The following GALNT13 variants were observed in gnomAD, a reference collection of about 807,000 sequenced individuals.
GALNT13 encodes polypeptide N-acetylgalactosaminyltransferase 13, also known as UDP-GalNAc:polypeptide N-acetylgalactosaminyltransferase 13.
A neutral mutation model predicts 64.2 loss-of-function variants in GALNT13; 28 were observed. That is an observed-to-expected ratio of 0.44 (90% CI 0.32 to 0.60). The LOEUF is 0.60. Ranked by LOEUF, GALNT13 falls within the 20% of genes least tolerant of loss-of-function variation. GALNT13 has a pLI of 0.05. For missense variants in GALNT13, 577 were observed against 669.8 expected, an observed-to-expected ratio of 0.86 and a Z score of 1.53; for synonymous variants, 214 against 224.6, an observed-to-expected ratio of 0.95 and a Z score of 0.42.
rs370103786 is a variant in GALNT13 at position 153,954,845 on chromosome 2, C to T, written c.142+10206C>T. Among the ~76,000 whole-genome samples, 27 of 152,112 alleles carry T rather than the reference C, an allele frequency of 1.8e-4. No homozygotes were observed. In the East Asian group the frequency reaches 4.8e-3, roughly 27 times the overall value. On this transcript the variant is annotated intron_variant, in intron 3 of 12. Transcript: ENST00000392825. ...AGACTTTTGAGCCCATATGTTGAAA[C>T]GGTAGACTGTGTTGTGCCCCTGACC...
At chr2:154,299,753 G>A (rs146062796) in intron 8 of GALNT13, among the ~76,000 whole-genome samples, 3 of 151,686 alleles carry the variant, frequency 2.0e-5, no homozygotes, top group Non-Finnish European at 4.4e-5. Flanking sequence ...GTGAGCCACC[G>A]CGCCCGGCCT....
In GALNT13 at chr2:154,396,095, TC is replaced by T; in HGVS notation, c.1264del (p.Gln422ArgfsTer12). On this transcript the variant is annotated frameshift_variant, in exon 10 of 13. Transcript: ENST00000392825. LOFTEE classifies it high-confidence loss of function. ...GTACCTAGAAAACATCTATCCGGAC[TC>T]CCAGATCCCAAGACGTTATTACTCA... The part of the protein sequence containing the change: ...SWYLENIYPD[S>X]QIPRRYYSLG... 6.2e-7 allele frequency: 1 copy of T among 1,607,906 alleles called. No homozygotes were observed. The highest frequency in any genetic ancestry group is 8.5e-7 in the Non-Finnish European group (1 of 1,176,718).
chr2:153,753,654 C>A, the GALNT13 span, among the ~76,000 whole-genome samples: 2 of 152,150 alleles, frequency 1.3e-5, no homozygotes. Flanking sequence ...CACGAGCACC[C>A]CTGTGGCCAT....
At chr2:154,087,008 C>G (rs1701564770) in intron 3 of GALNT13, among the ~76,000 whole-genome samples, 1 of 151,902 alleles carries the variant, frequency 6.6e-6, no homozygotes, top group South Asian at 2.1e-4. Flanking sequence ...AGCGTGAATT[C>G]AGAATCTTGG....
intron 4 of GALNT13, among the ~76,000 whole-genome samples, chr2:154,220,988 T>G (rs559070754): frequency 2.6e-5 from 4 of 152,170 alleles, no homozygotes; most frequent in Non-Finnish European, 5.9e-5. Flanking sequence ...ATTTGTTTAC[T>G]CACATTTTAA....
At chr2:154,444,690 G>C (rs892284470) in intron 12 of GALNT13, among the ~76,000 whole-genome samples, 3 of 152,078 alleles carry the variant, frequency 2.0e-5, no homozygotes. Flanking sequence ...TGTAGACATT[G>C]ATGTTCAGAG....
the GALNT13 span, among the ~76,000 whole-genome samples, chr2:153,342,412 A>G: frequency 6.6e-6 from 1 of 152,220 alleles, no homozygotes; most frequent in Non-Finnish European, 1.5e-5. Flanking sequence ...TGTCTGCACT[A>G]AATGACTTTT....
chr2:153,332,628 C>T, the GALNT13 span, among the ~76,000 whole-genome samples: 6 of 151,142 alleles, frequency 4.0e-5, no homozygotes, highest in South Asian at 1.0e-3. Context: ...TCCCTATGCA[C>T]TTCTGTTGGA....
At chr2:153,673,433 C>G in the GALNT13 span, among the ~76,000 whole-genome samples, 10 of 152,102 alleles carry the variant, frequency 6.6e-5, no homozygotes, top group African/African-American at 2.2e-4. Flanking sequence ...TAATCCATCA[C>G]ATAAACAGAA....
At chr2:153,913,293 G>A (rs1689103762) in intron 2 of GALNT13, among the ~76,000 whole-genome samples, 1 of 152,120 alleles carries the variant, frequency 6.6e-6, no homozygotes, top group South Asian at 2.1e-4. Context: ...CAGGTGGGGT[G>A]GGGGGCAGCA....
At position 154,140,373 on chromosome 2, in the gene GALNT13, T is replaced by A; in HGVS notation, c.179T>A (p.Met60Lys). Residue 60 changes from methionine to lysine, a missense_variant, in exon 4 of 13, where the codon ATG (methionine) becomes AAG (lysine). This residue lies in a region of GALNT13 where 341 missense variants were observed against 379.3 expected (regional missense o/e 0.90). Transcript: ENST00000392825. ...AGAAACCAAGAAGGGCCAGGAGAAA[T>A]GGGAAAAGCTGTGTTGATTCCTAAA... Reference protein sequence around the residue: ...ISRNQEGPGEMGKAVLIPKDD... With the variant: ...ISRNQEGPGEKGKAVLIPKDD... 1 of 1,613,134 alleles carries A rather than the reference T, an allele frequency of 6.2e-7. No individual in the cohort carries two copies. The highest frequency in any genetic ancestry group is 8.5e-7 in the Non-Finnish European group (1 of 1,179,326).
At chr2:153,391,252 C>G in the GALNT13 span, among the ~76,000 whole-genome samples, 1 of 152,044 alleles carries the variant, frequency 6.6e-6, no homozygotes, top group Non-Finnish European at 1.5e-5. Flanking sequence ...TCTGACTGCT[C>G]TCTTGAGAAT....
chr2:153,970,398 G>T (rs1185410737), intron 3 of GALNT13, among the ~76,000 whole-genome samples: 5 of 152,036 alleles, frequency 3.3e-5, no homozygotes, highest in Non-Finnish European at 7.4e-5. Flanking sequence ...CCTCACTGAC[G>T]ACTTCTTCAC....
intron 3 of GALNT13, among the ~76,000 whole-genome samples, chr2:154,121,646 G>A (rs546992009): frequency 7.4e-4 from 112 of 151,874 alleles, no homozygotes; most frequent in Middle Eastern, 6.8e-3. Flanking sequence ...TGAGTTTTGT[G>A]TATTGTGACT....
chr2:154,172,480 A>G (rs781711765), intron 4 of GALNT13, among the ~76,000 whole-genome samples: 2 of 151,932 alleles, frequency 1.3e-5, no homozygotes, highest in Non-Finnish European at 2.9e-5. Flanking sequence ...GTAACCACCA[A>G]TCTTTTCTGT....
chr2:153,683,442 A>T, the GALNT13 span, among the ~76,000 whole-genome samples: 1 of 151,108 alleles, frequency 6.6e-6, no homozygotes, highest in Non-Finnish European at 1.5e-5. Flanking sequence ...AAATGGAAAA[A>T]CCTCACTTTA....
chr2:154,303,400 C>T (rs1015429103), intron 9 of GALNT13, among the ~76,000 whole-genome samples: 1 of 152,056 alleles, frequency 6.6e-6, no homozygotes, highest in African/African-American at 2.4e-5. Flanking sequence ...ACTCCACTGG[C>T]GCCATCTTGT....
chr2:153,985,923 T>TA (rs1181013428), intron 3 of GALNT13, among the ~76,000 whole-genome samples: 1 of 152,106 alleles, frequency 6.6e-6, no homozygotes, highest in Non-Finnish European at 1.5e-5. Flanking sequence ...TGTAAGTTGT[T>TA]ACGTGATCTC....
the GALNT13 span, chr2:153,337,745 A>C: frequency 6.6e-6 from 1 of 152,194 alleles, no homozygotes; most frequent in Non-Finnish European, 1.5e-5. Context: ...TGTGACCCAC[A>C]CCTCCTCAGG....
Sources: allele counts gnomAD v4.1 joint callset (sites outside exome capture counted in the v4.1 genomes callset), GRCh38; gene constraint gnomAD v4.1.1; regional missense constraint gnomAD v4.1.1; transcripts MANE v1.5; gene names NCBI Gene and HGNC (gene_info 2026-07-23, HGNC 2026-07-21).